Variants in ULK4 observed in about 807,000 individuals in gnomAD.
The protein encoded by ULK4 is unc-51 like kinase 4.
Under a neutral mutation model 160.6 loss-of-function variants are expected in ULK4, and 133 were observed. That is an observed-to-expected ratio of 0.83 (90% CI 0.72 to 0.96). The LOEUF is 0.96. ULK4 is among the 40% of genes least tolerant of loss of function. The pLI is 0.00. For missense variants in ULK4, 1,580 were observed against 1,499.5 expected (o/e 1.05, Z -0.89); for synonymous variants, 534 against 539.8 (o/e 0.99, Z 0.15).
intron 17 of ULK4, among the ~76,000 whole-genome samples, chr3:41,836,679 T>A (rs2041767003): frequency 6.6e-6 from 1 of 152,136 alleles, no homozygotes; most frequent in Admixed American, 6.5e-5. Context: ...GTTTAAAAAG[T>A]TCTTATATTG....
At chr3:41,533,458 T>G (rs2086391969) in intron 32 of ULK4, among the ~76,000 whole-genome samples, 1 of 152,240 alleles carries the variant, frequency 6.6e-6, no homozygotes. Flanking sequence ...ATTTAATAAC[T>G]AAATTTTATA....
intron 20 of ULK4, among the ~76,000 whole-genome samples, chr3:41,797,973 C>G (rs1320992806): frequency 6.6e-6 from 1 of 150,844 alleles, no homozygotes; most frequent in African/African-American, 2.4e-5. Flanking sequence ...AAAATACAAC[C>G]CATGCTCCTG....
rs746053881 is a variant in ULK4 at position 41,895,586 on chromosome 3, T to C, written c.1531-22A>G. ...GGAACTAGAATAAGAAATTTAAGTGTAAAGAAAAGAAAAAATTAAAATGTT... is the reference window on the plus strand; with the variant it reads ...GGAACTAGAATAAGAAATTTAAGTGCAAAGAAAAGAAAAAATTAAAATGTT... On this transcript the variant is annotated intron_variant, in intron 15 of 36. Coordinates refer to ENST00000301831, the MANE Select transcript of ULK4 (RefSeq NM_017886.4). 9.0e-6 allele frequency: 13 copies of C among 1,452,414 alleles called. No individual in the cohort carries two copies. In the South Asian group the frequency reaches 1.8e-4, roughly 20 times the overall value. 90.0% of individuals were successfully genotyped at this position (1,452,414 alleles called of 1,614,324 possible).
chr3:41,784,158 G>C (rs1001237837), intron 21 of ULK4, among the ~76,000 whole-genome samples: 2 of 152,214 alleles, frequency 1.3e-5, no homozygotes, highest in East Asian at 3.9e-4. Context: ...CTATTGGCCA[G>C]GCGTGGTGGC....
chr3:41,663,441 A>G (rs1156786311), intron 30 of ULK4, among the ~76,000 whole-genome samples, 166 bp downstream of exon 30: 2 of 152,222 alleles, frequency 1.3e-5, no homozygotes, highest in Admixed American at 1.3e-4. Context: ...CGAGAGTCAA[A>G]ACAGCATAAA....
At chr3:41,446,460 A>G (rs1475230143) in intron 34 of ULK4, among the ~76,000 whole-genome samples, 4 of 152,148 alleles carry the variant, frequency 2.6e-5, no homozygotes, top group African/African-American at 7.2e-5. Flanking sequence ...ACAATAGCAA[A>G]GACTTGGAAC....
In ULK4 at chr3:41,931,470, T is replaced by TAA. The variant is rs61500854; in HGVS notation, c.541+372_541+373dup. 7.4e-3 allele frequency among the ~76,000 whole-genome samples: 944 copies of TAA among 126,886 alleles called. 14 individuals are homozygous for TAA. The highest frequency in any genetic ancestry group is 0.026 in the African/African-American group (902 of 34,664). The allele number at this position is 126,886 out of a possible 152,430, so 83.2% of individuals were successfully genotyped here. A position where few individuals can be genotyped will look rare whatever the true frequency, so the allele number is the denominator to read the frequency against. The stretch of plus-strand genomic sequence containing the variant: ...TGTTCTGCACATGTACCCTAGAACT[T>TAA]AAAAAAAAAAAAAAAAAAGAAAGAA... On this transcript the variant is annotated intron_variant, in intron 5 of 36. Coordinates refer to ENST00000301831, the MANE Select transcript of ULK4 (RefSeq NM_017886.4).
At chr3:41,552,949 T>C (rs1213823028) in intron 32 of ULK4, among the ~76,000 whole-genome samples, 1 of 152,010 alleles carries the variant, frequency 6.6e-6, no homozygotes, top group Non-Finnish European at 1.5e-5. Flanking sequence ...TATAAATTCA[T>C]GTATTCACAG....
chr3:41,526,377 G>T (rs1214325052), intron 32 of ULK4, among the ~76,000 whole-genome samples: 1 of 152,136 alleles, frequency 6.6e-6, no homozygotes, highest in Non-Finnish European at 1.5e-5. Flanking sequence ...ATTTGTGCCT[G>T]TTACTTAAAC....
intron 31 of ULK4, among the ~76,000 whole-genome samples, chr3:41,610,251 A>C (rs1007188266): frequency 1.3e-5 from 2 of 151,858 alleles, no homozygotes; most frequent in African/African-American, 4.8e-5. Flanking sequence ...TCTTGACCTC[A>C]AGTGACCCAC....
intron 31 of ULK4, among the ~76,000 whole-genome samples, chr3:41,592,926 T>C (rs2031454296): frequency 6.6e-6 from 1 of 152,098 alleles, no homozygotes; most frequent in Non-Finnish European, 1.5e-5. Context: ...TGTCACTTCC[T>C]CTGGGACATC....
At chr3:41,440,673 T>C (rs945042283) in intron 34 of ULK4, among the ~76,000 whole-genome samples, 1 of 152,096 alleles carries the variant, frequency 6.6e-6, no homozygotes, top group Non-Finnish European at 1.5e-5. Flanking sequence ...CTAGAATGAG[T>C]TGGGAAACAG....
At chr3:41,653,194 G>T (rs887421246) in intron 30 of ULK4, among the ~76,000 whole-genome samples, 3 of 151,990 alleles carry the variant, frequency 2.0e-5, no homozygotes, top group African/African-American at 7.3e-5. Flanking sequence ...AACACTGCAG[G>T]CCAATATTCC....
chr3:41,275,261 A>G (rs1393563341), intron 35 of ULK4, among the ~76,000 whole-genome samples: 1 of 152,240 alleles, frequency 6.6e-6, no homozygotes, highest in African/African-American at 2.4e-5. Context: ...GAGGAGACCT[A>G]GAAGTTCTCT....
At chr3:41,712,296 T>G (rs2037126610) in intron 25 of ULK4, among the ~76,000 whole-genome samples, 1 of 152,170 alleles carries the variant, frequency 6.6e-6, no homozygotes, top group African/African-American at 2.4e-5. Flanking sequence ...TTCTCCAGTC[T>G]GCTCCTTAAG....
At chr3:41,950,993 A>AATTAG (rs1700273866) in intron 2 of ULK4, among the ~76,000 whole-genome samples, 1 of 151,720 alleles carries the variant, frequency 6.6e-6, no homozygotes, top group Non-Finnish European at 1.5e-5. Context: ...AAATACAAAA[A>AATTAG]ATTAGCTGGG....
rs746874991 is a variant in ULK4 at position 41,789,855 on chromosome 3, A to G, written c.2011-12T>C. 2.5e-6 allele frequency: 4 copies of G among 1,593,034 alleles called. No homozygotes were observed. The African/African-American group carries it at 5.4e-5, about 22-fold the overall frequency. ...ATTCTACACAAGGCCTACAAAGACAAGAGAACAGACCTGTCAGGCAACTCC... is the reference window on the plus strand; with the variant it reads ...ATTCTACACAAGGCCTACAAAGACAGGAGAACAGACCTGTCAGGCAACTCC... On this transcript the variant is annotated splice_polypyrimidine_tract_variant and intron_variant, in intron 20 of 36. Transcript: ENST00000301831.
At chr3:41,395,240 T>C (rs1298347109) in intron 35 of ULK4, among the ~76,000 whole-genome samples, 1 of 144,418 alleles carries the variant, frequency 6.9e-6, no homozygotes, top group East Asian at 2.1e-4. Flanking sequence ...ATAGCAGACA[T>C]CCAAAAGCCA....
At chr3:41,676,089 G>C (rs1046976554) in intron 29 of ULK4, among the ~76,000 whole-genome samples, 1 of 152,090 alleles carries the variant, frequency 6.6e-6, no homozygotes, top group Non-Finnish European at 1.5e-5. Context: ...GAGAACCCAC[G>C]GACACTGTGG....
Sources: gnomAD v4.1 joint callset for allele counts (sites outside exome capture counted in the v4.1 genomes callset) on GRCh38, gnomAD v4.1.1 for gene constraint, MANE v1.5 for transcripts, NCBI Gene and HGNC (gene_info 2026-07-23, HGNC 2026-07-21) for gene names.